The following AGBL4 variants were observed in gnomAD, a reference collection of about 807,000 sequenced individuals.
AGBL4 encodes cytosolic carboxypeptidase 6.
AGBL4 carries 58 observed loss-of-function variants against 66.4 expected under a neutral mutation model. The observed-to-expected ratio is 0.87, with a 90% CI of 0.71 to 1.09. AGBL4 has a LOEUF of 1.09. Ranked by LOEUF, AGBL4 falls within the 50% of genes least tolerant of loss-of-function variation. AGBL4 has a pLI of 0.00. For missense variants in AGBL4, 579 were observed against 631.0 expected (o/e 0.92, Z 0.88); for synonymous variants, 234 against 222.9 (o/e 1.05, Z -0.44).
chr1:49,957,834 T>C (rs1415708970), intron 1 of AGBL4, among the ~76,000 whole-genome samples: 3 of 152,158 alleles, frequency 2.0e-5, no homozygotes, highest in Non-Finnish European at 4.4e-5. Context: ...CTGTGTCTTT[T>C]AATTGGAGCA....
chr1:49,424,028 C>T (rs1468050162), intron 3 of AGBL4, among the ~76,000 whole-genome samples: 1 of 152,046 alleles, frequency 6.6e-6, no homozygotes, highest in Non-Finnish European at 1.5e-5. Flanking sequence ...CTGCTCTATG[C>T]CCTGGGAGGC....
intron 1 of AGBL4, among the ~76,000 whole-genome samples, chr1:50,011,972 A>G (rs1661569490): frequency 6.6e-6 from 1 of 152,070 alleles, no homozygotes; most frequent in Admixed American, 6.5e-5. Context: ...ATCCTGGCTA[A>G]CAAGGTGAAA....
At chr1:49,530,231 C>G (rs1441067384) in intron 3 of AGBL4, among the ~76,000 whole-genome samples, 3 of 116,252 alleles carry the variant, frequency 2.6e-5, no homozygotes, top group Non-Finnish European at 3.4e-5. Context: ...TAAAAAGTTT[C>G]CACAGCTATG....
chr1:49,565,372 T>G (rs1190380444), intron 3 of AGBL4, among the ~76,000 whole-genome samples: 1 of 152,174 alleles, frequency 6.6e-6, no homozygotes, highest in Non-Finnish European at 1.5e-5. Flanking sequence ...ATTTTGCTCG[T>G]TAGTTGATGT....
rs181452408 is a variant in AGBL4 at position 49,341,789 on chromosome 1, C to T, written c.283-95925G>A. Among the ~76,000 whole-genome samples, 23 of 152,266 alleles carry T rather than the reference C, an allele frequency of 1.5e-4. No individual in the cohort carries two copies. The East Asian group carries it at 4.3e-3, about 28-fold the overall frequency. On this transcript the variant is annotated intron_variant, in intron 3 of 13. Transcript: ENST00000371839. ...GACTGACAAGAAGCCACCTGAACTT[C>T]GGATTCAGCGTTCAGATGGGTCTTT...
chr1:49,274,971 A>T lies in AGBL4; in HGVS notation c.283-29107T>A, dbSNP rs368093820. Among the ~76,000 whole-genome samples the T allele has an allele frequency of 1.6e-3, 243 of 152,296 alleles. 3 individuals carry two copies. Among genetic ancestry groups the T allele is most frequent in the South Asian group, 9.5e-3 (46 of 4,830 alleles). Reference sequence around the variant, plus strand: ...GTAAAGTATATATTTGTGAACAAAAATAAAACATTTATCTTTCTCACATAA... The same window carrying T: ...GTAAAGTATATATTTGTGAACAAAATTAAAACATTTATCTTTCTCACATAA... On this transcript the variant is annotated intron_variant, in intron 3 of 13. Transcript: ENST00000371839.
At chr1:49,700,776 G>A (rs1325754666) in intron 2 of AGBL4, among the ~76,000 whole-genome samples, 1 of 151,860 alleles carries the variant, frequency 6.6e-6, no homozygotes, top group Non-Finnish European at 1.5e-5. Context: ...AACCATACAT[G>A]CACATACATA....
intron 6 of AGBL4, among the ~76,000 whole-genome samples, chr1:48,689,219 A>AAAAAAAAAAAAG (rs1553207682): frequency 2.8e-5 from 4 of 141,514 alleles, no homozygotes; most frequent in African/African-American, 1.2e-4. Flanking sequence ...AAAAAAAAAA[A>AAAAAAAAAAAAG]AAAAGAAAAG....
intron 4 of AGBL4, among the ~76,000 whole-genome samples, chr1:49,113,594 A>G (rs1645457522): frequency 6.6e-6 from 1 of 152,220 alleles, no homozygotes; most frequent in Non-Finnish European, 1.5e-5. Flanking sequence ...AGGATTTTCT[A>G]GAAGGTTTTC....
intron 6 of AGBL4, among the ~76,000 whole-genome samples, chr1:48,854,077 C>T (rs968627364): frequency 6.6e-6 from 1 of 152,170 alleles, no homozygotes; most frequent in Admixed American, 6.5e-5. Context: ...GATTACCTCA[C>T]TTAATCTTTA....
At chr1:48,901,453 C>A (rs920230368) in intron 5 of AGBL4, among the ~76,000 whole-genome samples, 2 of 151,976 alleles carry the variant, frequency 1.3e-5, no homozygotes, top group African/African-American at 4.8e-5. Context: ...TAGTCAAAAC[C>A]TGGAGAAAAT....
At chr1:48,557,714 A>G (rs1332951262) in intron 11 of AGBL4, among the ~76,000 whole-genome samples, 2 of 152,220 alleles carry the variant, frequency 1.3e-5, no homozygotes, top group African/African-American at 2.4e-5. Flanking sequence ...ATTGAGTAAC[A>G]TTGGTCTGGG....
intron 3 of AGBL4, among the ~76,000 whole-genome samples, chr1:49,470,515 G>A (rs995010925): frequency 6.6e-6 from 1 of 151,970 alleles, no homozygotes; most frequent in Non-Finnish European, 1.5e-5. Flanking sequence ...AATAGGTTAT[G>A]TGTTAGCAGG....
intron 1 of AGBL4, among the ~76,000 whole-genome samples, chr1:49,935,138 C>T (rs1233382216): frequency 3.3e-5 from 5 of 152,212 alleles, no homozygotes; most frequent in Admixed American, 1.3e-4. Context: ...CCTAATACAG[C>T]GCTTTTCCGA....
intron 3 of AGBL4, among the ~76,000 whole-genome samples, chr1:49,687,782 TAAA>T (rs953074081): frequency 6.7e-6 from 1 of 148,250 alleles, no homozygotes; most frequent in African/African-American, 2.5e-5. Flanking sequence ...CTAAAAAAAA[TAAA>T]AAAAAAATTA....
chr1:48,985,383 T>C (rs1334785773), intron 5 of AGBL4, among the ~76,000 whole-genome samples: 1 of 152,096 alleles, frequency 6.6e-6, no homozygotes, highest in Non-Finnish European at 1.5e-5. Context: ...GGGTTCTCCT[T>C]GAGTATTCAG....
chr1:48,860,660 A>T (rs1383217302), intron 6 of AGBL4, among the ~76,000 whole-genome samples: 1 of 152,202 alleles, frequency 6.6e-6, no homozygotes, highest in Non-Finnish European at 1.5e-5. Context: ...AGACTCAGGA[A>T]CCAGATGCAA....
intron 3 of AGBL4, among the ~76,000 whole-genome samples, chr1:49,497,673 C>T (rs1023460386): frequency 3.3e-5 from 5 of 151,900 alleles, no homozygotes; most frequent in Non-Finnish European, 5.9e-5. Context: ...TGGGCACGTT[C>T]GTTGAAAATA....
At chr1:48,843,948 A>G (rs1646858175) in intron 6 of AGBL4, among the ~76,000 whole-genome samples, 1 of 152,124 alleles carries the variant, frequency 6.6e-6, no homozygotes, top group Admixed American at 6.5e-5. Flanking sequence ...TATATTGAAT[A>G]TTATATTTCT....
Sources: allele counts gnomAD v4.1 joint callset (sites outside exome capture counted in the v4.1 genomes callset), GRCh38; gene constraint gnomAD v4.1.1; transcripts MANE v1.5; gene names NCBI Gene and HGNC (gene_info 2026-07-23, HGNC 2026-07-21).